CYP4F11: variants seen among roughly 807,000 people sequenced by gnomAD.
CYP4F11 encodes the protein cytochrome P450 4F11.
A neutral mutation model predicts 62.2 loss-of-function variants in CYP4F11; 79 were observed. That is an observed-to-expected ratio of 1.27 (90% confidence interval 1.06 to 1.53). CYP4F11 has a LOEUF of 1.53. CYP4F11 is among the 40% of genes most tolerant of loss of function. The pLI is 0.00. For synonymous variants in CYP4F11, 290 were observed against 263.7 expected, an observed-to-expected ratio of 1.10 and a Z score of -0.97; for missense variants, 777 against 680.5, an observed-to-expected ratio of 1.14 and a Z score of -1.58.
chr19:15,933,709 A>G (rs377437776), intron 1 of CYP4F11, among the ~76,000 whole-genome samples: 3 of 4,016 alleles, frequency 7.5e-4, no homozygotes, highest in Middle Eastern at 0.1. Context: ...AGTGAGGAGA[A>G]GAATGAGTGA....
chr19:15,921,561 A>C (rs2089629425), intron 8 of CYP4F11, among the ~76,000 whole-genome samples: 2 of 152,248 alleles, frequency 1.3e-5, no homozygotes, highest in East Asian at 3.8e-4. Flanking sequence ...AACTGGGGAT[A>C]GGAATACAGT....
rs1465146693 is a variant in CYP4F11 at position 15,913,742 on chromosome 19, T to C, written c.1565A>G (p.Asn522Ser). 6.2e-7 allele frequency: 1 copy of C among 1,614,006 alleles called. No homozygotes were observed. The highest frequency in any genetic ancestry group is 1.1e-5 in the South Asian group (1 of 91,074). The change falls in exon 12 of 12, where the codon AAC (asparagine) becomes AGC (serine). Residue 522 changes from asparagine (N) to serine (S), a missense_variant. By Grantham distance (46) the Asn-to-Ser change is conservative. Coordinates refer to ENST00000402119, the MANE Select transcript of CYP4F11 (RefSeq NM_021187.4). ...GGGTGGGTAGGACAGTCACTGTGAG[T>C]TCGCACCCAGGGGCTCCACCCGCAG... ...LWLRVEPLGA[N>S]SQ
In CYP4F11 at chr19:15,931,641, CGAGGAGAGGAATGAGT is replaced by C. The variant is rs1568257592; in HGVS notation, c.199-2056_199-2041del. Among the ~76,000 whole-genome samples, 42 of 20,894 alleles carry C rather than the reference CGAGGAGAGGAATGAGT, an allele frequency of 2.0e-3. 1 individual carries two copies. Among genetic ancestry groups the C allele is most frequent in the South Asian group, 3.5e-3 (2 of 566 alleles). 13.7% of individuals were successfully genotyped at this position (20,894 alleles called of 152,430 possible). A position where few individuals can be genotyped will look rare whatever the true frequency, so the allele number is the denominator to read the frequency against. ...GTGAGCGAGGAGAGGAATGAGTGAG[CGAGGAGAGGAATGAGT>C]GAGCGAGGAGAGGAATGAGTGAGCG... On this transcript the variant is annotated intron_variant, in intron 1 of 11. Transcript: ENST00000402119.
intron 8 of CYP4F11, among the ~76,000 whole-genome samples, chr19:15,918,386 G>T (rs1475371486): frequency 6.6e-6 from 1 of 151,936 alleles, no homozygotes; most frequent in Non-Finnish European, 1.5e-5. Flanking sequence ...AACCACTATG[G>T]CACACGTTTA....
At chr19:15,931,320 G>A (rs1178388062) in intron 1 of CYP4F11, among the ~76,000 whole-genome samples, 2 of 151,836 alleles carry the variant, frequency 1.3e-5, no homozygotes, top group African/African-American at 2.4e-5. Context: ...CAGGCAGGGA[G>A]TAGTCCCTGG....
At position 15,919,527 on chromosome 19, in the gene CYP4F11, G is replaced by GACAT. The variant is rs1234462492; in HGVS notation, c.1115+2509_1115+2510insATGT. 4.7e-4 allele frequency among the ~76,000 whole-genome samples: 71 copies of GACAT among 152,060 alleles called. 1 individual carries two copies. The highest frequency in any genetic ancestry group is 1.7e-3 in the African/African-American group (71 of 41,480). On this transcript the variant is annotated intron_variant, in intron 8 of 11. Coordinates refer to ENST00000402119, the MANE Select transcript of CYP4F11 (RefSeq NM_021187.4). ...AGATAGATAGATAGATAGATAGACA[G>GACAT]ATAGATAAGCAGACAGTTAGATGAC...
chr19:15,934,398 A>C lies in CYP4F11; in HGVS notation c.11T>G (p.Leu4Arg), dbSNP rs2089761152. 6.2e-7 allele frequency: 1 copy of C among 1,613,088 alleles called. No homozygotes were observed. The highest frequency in any genetic ancestry group is 1.3e-5 in the African/African-American group (1 of 74,874). Residue 4 changes from leucine (L) to arginine (R), a missense_variant, in exon 1 of 12, where the codon CTG becomes CGG. Coordinates refer to ENST00000402119, the MANE Select transcript of CYP4F11 (RefSeq NM_021187.4). MPQ[L>R]SLSWLGLGPV... is the part of the protein sequence containing the mutation. ...CCCGAGGCCCAGCCAGGACAGGCTC[A>C]GCTGCGGCATCCTGCAGGGCAGACG... is the stretch of plus-strand genomic sequence containing the variant.
chr19:15,921,492 C>T (rs893687855), intron 8 of CYP4F11, among the ~76,000 whole-genome samples: 1 of 152,218 alleles, frequency 6.6e-6, no homozygotes, highest in Non-Finnish European at 1.5e-5. Context: ...ACCTGGAAAA[C>T]AGATCGCAGG....
rs1183276800 is a variant in CYP4F11, at chr19:15,912,805, T to TATACAC, written c.*926_*927insGTGTAT. 1.6e-4 allele frequency: 16 copies of TATACAC among 101,236 alleles called. 1 individual carries two copies. The highest frequency in any genetic ancestry group is 6.4e-4 in the African/African-American group (15 of 23,408). 6.3% of individuals were successfully genotyped at this position (101,236 alleles called of 1,614,324 possible). On this transcript the variant is annotated 3_prime_UTR_variant, in exon 12 of 12. Coordinates refer to ENST00000402119, the MANE Select transcript of CYP4F11 (RefSeq NM_021187.4). ...TATATATATAATATATATATATATA[T>TATACAC]ACATATCTTATATGCACAGCCCTCT...
At position 15,929,192 on chromosome 19, in the gene CYP4F11, T is replaced by C. The variant is rs149314152; in HGVS notation, c.343+265A>G. On this transcript the variant is annotated intron_variant, in intron 2 of 11. Transcript: ENST00000402119. ...AGATCCATTTCCTCAAGCACGGGGCTTTCTCGAGGACAGGGCCCTAAATTG... is the reference window on the plus strand; with the variant it reads ...AGATCCATTTCCTCAAGCACGGGGCCTTCTCGAGGACAGGGCCCTAAATTG... Among the ~76,000 whole-genome samples the C allele has an allele frequency of 5.3e-5, 8 of 152,288 alleles. No individual in the cohort carries two copies. In the East Asian group the frequency reaches 1.5e-3, roughly 29 times the overall value.
Position 15,913,887 on chromosome 19 carries a change from C to T in CYP4F11, c.1420G>A (p.Ala474Thr), listed in dbSNP as rs201156268. The change falls in exon 12 of 12, where the codon GCC (alanine) becomes ACC (threonine). Residue 474 changes from alanine (A) to threonine (T), a missense_variant. Physicochemically the swap from Ala to Thr is moderately conservative, Grantham distance 58. Transcript: ENST00000402119. Reference protein sequence around the residue: ...GPRNCIGQAFAMAEMKVVLAL... With the variant: ...GPRNCIGQAFTMAEMKVVLAL... ...AGGACCACCTTCATCTCAGCCATGG[C>T]GAACGCCTGCCCGATGCAGTTTCTG... 1.4e-5 allele frequency: 22 copies of T among 1,613,456 alleles called. No individual in the cohort carries two copies. The East Asian group carries it at 2.0e-4, about 15-fold the overall frequency.
intron 6 of CYP4F11, among the ~76,000 whole-genome samples, chr19:15,923,563 T>C (rs1278255419): frequency 2.0e-5 from 3 of 152,110 alleles, no homozygotes; most frequent in Admixed American, 6.5e-5. Context: ...TAGATATGCA[T>C]AAAAATATGT....
chr19:15,926,999 ACT>A (rs1162491338), intron 4 of CYP4F11, among the ~76,000 whole-genome samples: 4 of 152,100 alleles, frequency 2.6e-5, no homozygotes, highest in African/African-American at 9.7e-5. Flanking sequence ...AAGCATGGAA[ACT>A]CACACCTTTT....
At position 15,929,315 on chromosome 19, in the gene CYP4F11, A is replaced by C. The variant is rs564361243; in HGVS notation, c.343+142T>G. 3.5e-6 allele frequency: 4 copies of C among 1,131,260 alleles called. No individual in the cohort carries two copies. In the East Asian group the frequency reaches 9.5e-5, roughly 27 times the overall value. The allele number at this position is 1,131,260 out of a possible 1,614,324, so 70.1% of individuals were successfully genotyped here. A position where few individuals can be genotyped will look rare whatever the true frequency, so the allele number is the denominator to read the frequency against. ...GACATGGGGGGTTCGTGAATACATGAAGGAAAGAGGAACATGGCTGAGAGA... is the reference window on the plus strand; with the variant it reads ...GACATGGGGGGTTCGTGAATACATGCAGGAAAGAGGAACATGGCTGAGAGA... On this transcript the variant is annotated intron_variant, in intron 2 of 11. Coordinates refer to ENST00000402119, the MANE Select transcript of CYP4F11 (RefSeq NM_021187.4).
Position 15,927,328 on chromosome 19 carries a change from G to T in CYP4F11, c.409C>A (p.Leu137Met). 6.2e-7 allele frequency: 1 copy of T among 1,614,104 alleles called. No individual in the cohort carries two copies. Among genetic ancestry groups the T allele is most frequent in the East Asian group, 2.2e-5 (1 of 44,882 alleles). The change falls in exon 4 of 12, where the codon CTG becomes ATG. Residue 137 changes from leucine to methionine, a missense_variant. By Grantham distance (15) the Leu-to-Met change is conservative. Transcript: ENST00000402119. ...FLKPWLGDGL[L>M]LSGGDKWSRH... The stretch of plus-strand genomic sequence containing the variant: ...CTCCACTTGTCACCACCACTCAGCA[G>T]GAGCCCATCCCCTGGCAGGGCAACC...
At chr19:15,922,844 G>A (rs147709862) in intron 6 of CYP4F11, among the ~76,000 whole-genome samples, 7 of 152,110 alleles carry the variant, frequency 4.6e-5, no homozygotes, top group African/African-American at 7.2e-5. Flanking sequence ...ACCTGAGGTC[G>A]GGAGTTCGCA....
chr19:15,912,676 A>T lies in CYP4F11; in HGVS notation c.*1056T>A, dbSNP rs11086011. On this transcript the variant is annotated 3_prime_UTR_variant, in exon 12 of 12. Transcript: ENST00000402119. ...ACCTTCACCATCCTCAGGAAAAAAA[A>T]AAAAATATATATATATATATATGTG... The T allele has an allele frequency of 5.1e-4, 14 of 27,694 alleles. 1 individual carries two copies. The highest frequency in any genetic ancestry group is 3.0e-3 in the East Asian group (3 of 1,000). The allele number at this position is 27,694 out of a possible 1,614,324, so 1.7% of individuals were successfully genotyped here.
At position 15,913,699 on chromosome 19, in the gene CYP4F11, G is replaced by A. The variant is rs774530910; in HGVS notation, c.*33C>T. 4 of 1,600,294 alleles carry A rather than the reference G, an allele frequency of 2.5e-6. No homozygotes were observed. The highest frequency in any genetic ancestry group is 3.4e-5 in the Admixed American group (2 of 59,668). ...GGTGTCAGCATAGTTTTGTTTCTGG[G>A]ACTCTACAGAGGTGGGTGGGTGGGT... On this transcript the variant is annotated 3_prime_UTR_variant, in exon 12 of 12. Coordinates refer to ENST00000402119, the MANE Select transcript of CYP4F11 (RefSeq NM_021187.4).
chr19:15,914,199 G>A, intron 11 of CYP4F11, 106 bp downstream of exon 11: 1 of 1,385,200 alleles, frequency 7.2e-7, no homozygotes, highest in Non-Finnish European at 1.0e-6. Context: ...GAACTCCTGA[G>A]GAAGGGAGGG....
Sources: gnomAD v4.1 joint callset for allele counts (sites outside exome capture counted in the v4.1 genomes callset) on GRCh38, gnomAD v4.1.1 for gene constraint, MANE v1.5 for transcripts, NCBI Gene and HGNC (gene_info 2026-07-23, HGNC 2026-07-21) for gene names.